Variants in NEDD4L observed in about 807,000 individuals in gnomAD.
NEDD4L encodes NEDD4 like E3 ubiquitin protein ligase, also known as E3 ubiquitin-protein ligase NEDD4-like.
Under a neutral mutation model 148.9 loss-of-function variants are expected in NEDD4L, and 54 were observed. That is an observed-to-expected ratio of 0.36 (90% CI 0.29 to 0.45). The LOEUF (loss-of-function observed/expected upper bound fraction) is 0.45, where lower values mean the gene tolerates loss of function less well. Ranked by LOEUF, NEDD4L falls within the 20% of genes least tolerant of loss-of-function variation. The pLI is 1.00. For missense variants in NEDD4L, 856 were observed against 1,233.8 expected, an observed-to-expected ratio of 0.69 and a Z score of 4.59; for synonymous variants, 433 against 440.7, an observed-to-expected ratio of 0.98 and a Z score of 0.22.
intron 1 of NEDD4L, chr18:58,045,133 G>A (rs919284891): frequency 4.8e-5 from 19 of 399,136 alleles, no homozygotes; most frequent in African/African-American, 1.2e-4. Context: ...GGACTGCGGA[G>A]AAGCCGGATC....
intron 1 of NEDD4L, among the ~76,000 whole-genome samples, chr18:58,081,641 G>A (rs79713677): frequency 0.031 from 4,793 of 152,168 alleles, 246 homozygotes; most frequent in African/African-American, 0.11. Flanking sequence ...ACAGAATCTC[G>A]TATCTTTTCC....
rs538072707 is a variant in NEDD4L at position 58,109,133 on chromosome 18, C to T, written c.49-56655C>T. On this transcript the variant is annotated intron_variant, in intron 1 of 30. Coordinates refer to ENST00000400345, the MANE Select transcript of NEDD4L (RefSeq NM_001144967.3). ...CATTCAACAATTGAAGTCTGAGAACCAGCCGTGATTAGGTGCTCCAAATTA... is the reference window on the plus strand; with the variant it reads ...CATTCAACAATTGAAGTCTGAGAACTAGCCGTGATTAGGTGCTCCAAATTA... Among the ~76,000 whole-genome samples the T allele has an allele frequency of 7.5e-3, 1,137 of 152,312 alleles. 11 individuals carry two copies. Among genetic ancestry groups the T allele is most frequent in the Middle Eastern group, 0.017 (5 of 294 alleles).
chr18:58,279,420 G>C (rs1239120900), intron 5 of NEDD4L, among the ~76,000 whole-genome samples: 2 of 152,154 alleles, frequency 1.3e-5, no homozygotes, highest in Non-Finnish European at 2.9e-5. Context: ...TGCGACCAAG[G>C]GTCCTGAAAA....
chr18:58,275,584 A>G (rs978932018), intron 5 of NEDD4L, among the ~76,000 whole-genome samples: 1 of 152,214 alleles, frequency 6.6e-6, no homozygotes, highest in Admixed American at 6.5e-5. Flanking sequence ...GTCCCCAGAG[A>G]GTCTGATACG....
At chr18:58,223,769 G>C (rs1323740518) in intron 2 of NEDD4L, among the ~76,000 whole-genome samples, 1 of 152,196 alleles carries the variant, frequency 6.6e-6, no homozygotes, top group Non-Finnish European at 1.5e-5. Context: ...CTTGAATCAC[G>C]GAGGTTTCAG....
At chr18:58,379,065 G>A (rs527384283) in intron 24 of NEDD4L, among the ~76,000 whole-genome samples, 1 of 152,330 alleles carries the variant, frequency 6.6e-6, no homozygotes, top group East Asian at 1.9e-4. Flanking sequence ...GGTCCTCCAG[G>A]AGCCCAGGCA....
At chr18:58,151,647 G>GTGTGTGTGTGTGTGTGTC (rs2034777558) in intron 1 of NEDD4L, among the ~76,000 whole-genome samples, 1 of 151,932 alleles carries the variant, frequency 6.6e-6, no homozygotes, top group Non-Finnish European at 1.5e-5. Context: ...GTGTGTGTGT[G>GTGTGTGTGTGTGTGTGTC]TGTGTGTGTG....
chr18:58,287,035 G>A (rs1390957292), intron 5 of NEDD4L, among the ~76,000 whole-genome samples: 3 of 151,336 alleles, frequency 2.0e-5, no homozygotes, highest in African/African-American at 7.3e-5. Context: ...AATTTAGTGT[G>A]CTTAGAGTGC....
At chr18:58,320,418 A>C (rs1307237695) in intron 6 of NEDD4L, among the ~76,000 whole-genome samples, 1 of 152,192 alleles carries the variant, frequency 6.6e-6, no homozygotes, top group East Asian at 1.9e-4. Flanking sequence ...CTTAGCTTCT[A>C]GTGGATTGTT....
intron 1 of NEDD4L, among the ~76,000 whole-genome samples, chr18:58,120,832 T>C (rs949102302): frequency 6.6e-6 from 1 of 152,178 alleles, no homozygotes; most frequent in Non-Finnish European, 1.5e-5. Context: ...AAATTTTCTT[T>C]AGTCCAACAG....
intron 1 of NEDD4L, among the ~76,000 whole-genome samples, chr18:58,145,661 C>T (rs2034027377): frequency 6.6e-6 from 1 of 151,800 alleles, no homozygotes; most frequent in African/African-American, 2.4e-5. Context: ...ATGAATACTC[C>T]TGTAAATACA....
intron 5 of NEDD4L, among the ~76,000 whole-genome samples, chr18:58,253,595 G>A (rs747020639): frequency 2.6e-5 from 4 of 152,160 alleles, no homozygotes; most frequent in African/African-American, 7.2e-5. Context: ...ATAACAGTAC[G>A]TTCCTGGAGA....
At chr18:58,371,818 T>A (rs2046914910) in intron 23 of NEDD4L, 1 of 152,276 alleles carries the variant, frequency 6.6e-6, no homozygotes, top group African/African-American at 2.4e-5. Flanking sequence ...CACTGTATGA[T>A]GAAGCAGCTA....
intron 2 of NEDD4L, among the ~76,000 whole-genome samples, chr18:58,175,515 G>C (rs1287261291): frequency 6.6e-6 from 1 of 152,264 alleles, no homozygotes; most frequent in African/African-American, 2.4e-5. Context: ...GCTCTTTGCA[G>C]AGCTACATTT....
intron 1 of NEDD4L, among the ~76,000 whole-genome samples, chr18:58,129,045 C>A (rs901637207): frequency 1.3e-5 from 2 of 152,204 alleles, no homozygotes; most frequent in South Asian, 2.1e-4. Flanking sequence ...AAATGGAAAT[C>A]CAGATCACGC....
At chr18:58,166,824 G>C (rs1026247816) in intron 2 of NEDD4L, among the ~76,000 whole-genome samples, 1 of 152,100 alleles carries the variant, frequency 6.6e-6, no homozygotes, top group Non-Finnish European at 1.5e-5. Context: ...TGTGGCCCTT[G>C]GTGACCCCTA....
chr18:58,372,061 A>G (rs772597776), intron 23 of NEDD4L: 1 of 152,180 alleles, frequency 6.6e-6, no homozygotes, highest in Non-Finnish European at 1.5e-5. Context: ...ATCAAAGCAC[A>G]AGAAAGGGGA....
At chr18:58,320,858 A>T (rs563447837) in intron 6 of NEDD4L, among the ~76,000 whole-genome samples, 5 of 152,336 alleles carry the variant, frequency 3.3e-5, no homozygotes, top group African/African-American at 1.2e-4. Context: ...AAAAGGAAGG[A>T]AAACCAGCAA....
chr18:58,235,480 A>G (rs963542423), intron 2 of NEDD4L, among the ~76,000 whole-genome samples: 1 of 152,168 alleles, frequency 6.6e-6, no homozygotes, highest in African/African-American at 2.4e-5. Context: ...AGTCCTGGGA[A>G]CCAATGTCTG....
Sources: gnomAD v4.1 joint callset for allele counts (sites outside exome capture counted in the v4.1 genomes callset) on GRCh38, gnomAD v4.1.1 for gene constraint, MANE v1.5 for transcripts, NCBI Gene and HGNC (gene_info 2026-07-23, HGNC 2026-07-21) for gene names.